KLRG2: variants seen among roughly 807,000 people sequenced by gnomAD.
KLRG2 encodes the protein killer cell lectin like receptor G2.
KLRG2 carries 39 observed loss-of-function variants against 35.4 expected under a neutral mutation model. The ratio of observed to expected loss-of-function variants is 1.10; its 90% CI spans 0.85 to 1.44. The LOEUF is 1.44. Among genes scored for constraint, KLRG2 ranks in the 40% most tolerant of loss-of-function variants. The pLI, the probability that KLRG2 is intolerant of heterozygous loss-of-function variation, is 0.00. For synonymous variants in KLRG2, 283 were observed against 265.8 expected (o/e 1.06, Z -0.63); for missense variants, 632 against 570.9 (o/e 1.11, Z -1.09).
In KLRG2 at chr7:139,471,557, A is replaced by T. The variant is rs575892998; in HGVS notation, c.1005+8070T>A. ...GTGCCTGTAACCCCAGCTACTCGGA[A>T]GGCTGAGATGGGAGGATCACTTGAA... On this transcript the variant is annotated intron_variant, in intron 3 of 4. Transcript: ENST00000340940. Among the ~76,000 whole-genome samples the T allele has an allele frequency of 3.3e-5, 5 of 152,280 alleles. No homozygotes were observed. In the East Asian group the frequency reaches 9.7e-4, roughly 29 times the overall value.
At chr7:139,448,550 C>A (rs2116411997), downstream of KLRG2, among the ~76,000 whole-genome samples, 1 of 152,268 alleles carries the variant, frequency 6.6e-6, no homozygotes, top group Non-Finnish European at 1.5e-5. Flanking sequence ...GATAAATAGG[C>A]TGGGCGCAGT....
At chr7:139,440,883 G>A in the KLRG2 span, among the ~76,000 whole-genome samples, 1 of 152,160 alleles carries the variant, frequency 6.6e-6, no homozygotes, top group East Asian at 1.9e-4. Context: ...TTATTTATAT[G>A]ACCCTCATCT....
chr7:139,482,788 G>T, intron 1 of KLRG2, 98 bp downstream of exon 1: 1 of 1,164,534 alleles, frequency 8.6e-7, no homozygotes, highest in Non-Finnish European at 1.1e-6. Flanking sequence ...CCCTTAGTCG[G>T]TCAGCTGCCC....
chr7:139,454,798 CAA>C (rs1463324243), intron 3 of KLRG2, among the ~76,000 whole-genome samples: 1 of 149,562 alleles, frequency 6.7e-6, no homozygotes, highest in African/African-American at 2.4e-5. Flanking sequence ...CCTGGGCTGA[CAA>C]GAGGGAAATT....
chr7:139,436,871 C>T, the KLRG2 span, among the ~76,000 whole-genome samples: 2 of 152,222 alleles, frequency 1.3e-5, no homozygotes, highest in Admixed American at 1.3e-4. Flanking sequence ...TTGGCTACGA[C>T]ACTGCCAGGT....
chr7:139,460,144 C>T (rs1403448665), intron 3 of KLRG2, among the ~76,000 whole-genome samples: 1 of 152,176 alleles, frequency 6.6e-6, no homozygotes, highest in African/African-American at 2.4e-5. Flanking sequence ...CCTTGGCCCC[C>T]CAAAGTGTTG....
At chr7:139,457,000 G>A (rs1412623691) in intron 3 of KLRG2, among the ~76,000 whole-genome samples, 1 of 152,132 alleles carries the variant, frequency 6.6e-6, no homozygotes, top group African/African-American at 2.4e-5. Flanking sequence ...GAAGTGTCAC[G>A]GAAAACCCAT....
chr7:139,437,981 G>A, the KLRG2 span, among the ~76,000 whole-genome samples: 139 of 152,298 alleles, frequency 9.1e-4, 1 homozygote, highest in African/African-American at 3.1e-3. Flanking sequence ...TGGCCTGTTG[G>A]GGAAAGAATG....
chr7:139,478,077 GA>G lies in KLRG2; in HGVS notation c.1005+1549del, dbSNP rs148011262. ...CCGGCCCACAATTTTTTTAAATGGG[GA>G]AAAAAAAAAGCCAGGCACAGTGGCT... On this transcript the variant is annotated intron_variant, in intron 3 of 4. Transcript: ENST00000340940. Among the ~76,000 whole-genome samples, 142 of 143,218 alleles carry G rather than the reference GA, an allele frequency of 9.9e-4. 2 individuals carry two copies. In the South Asian group the frequency reaches 0.025, roughly 26 times the overall value. 94.0% of individuals were successfully genotyped at this position (143,218 alleles called of 152,430 possible). A position where few individuals can be genotyped will look rare whatever the true frequency, so the allele number is the denominator to read the frequency against.
intron 2 of KLRG2, 109 bp from the exon 3 acceptor site, chr7:139,479,881 G>A (rs1348009983): frequency 2.3e-6 from 3 of 1,291,136 alleles, no homozygotes; most frequent in African/African-American, 3.0e-5. Context: ...CCTCAAGGTG[G>A]GCAGGGCCCC....
At chr7:139,455,462 C>T (rs921472269) in intron 3 of KLRG2, among the ~76,000 whole-genome samples, 6 of 151,924 alleles carry the variant, frequency 3.9e-5, no homozygotes, top group Admixed American at 6.6e-5. Context: ...GCTGGGACTA[C>T]AGGCACCCGC....
At chr7:139,468,802 G>A (rs1462264794) in intron 3 of KLRG2, among the ~76,000 whole-genome samples, 2 of 152,172 alleles carry the variant, frequency 1.3e-5, no homozygotes, top group Non-Finnish European at 2.9e-5. Flanking sequence ...CTAACCCCCA[G>A]TACCTCAAAA....
the KLRG2 span, among the ~76,000 whole-genome samples, chr7:139,437,294 G>A: frequency 2.0e-5 from 3 of 151,830 alleles, no homozygotes; most frequent in South Asian, 2.1e-4. Flanking sequence ...GCATGATGGC[G>A]GGTGCCTGTA....
chr7:139,459,456 T>C (rs1230857831), intron 3 of KLRG2, among the ~76,000 whole-genome samples: 1 of 152,190 alleles, frequency 6.6e-6, no homozygotes, highest in Non-Finnish European at 1.5e-5. Flanking sequence ...CCACCTTTGG[T>C]CCCACCTACA....
chr7:139,462,004 T>C (rs1392800104), intron 3 of KLRG2, among the ~76,000 whole-genome samples: 1 of 152,202 alleles, frequency 6.6e-6, no homozygotes, highest in Non-Finnish European at 1.5e-5. Context: ...GCGGCCTCTT[T>C]TTACGCTTTT....
chr7:139,434,808 C>G, the KLRG2 span, among the ~76,000 whole-genome samples: 3 of 152,214 alleles, frequency 2.0e-5, no homozygotes, highest in South Asian at 6.2e-4. Flanking sequence ...AAACAGACTT[C>G]GGTTTGAGCC....
chr7:139,428,636 T>TA, the KLRG2 span, among the ~76,000 whole-genome samples: 5 of 132,226 alleles, frequency 3.8e-5, no homozygotes, highest in African/African-American at 2.0e-4. Context: ...ATCTACTAGG[T>TA]AATGAAACAC....
chr7:139,459,508 C>T (rs1324334264), intron 3 of KLRG2, among the ~76,000 whole-genome samples: 2 of 152,118 alleles, frequency 1.3e-5, no homozygotes, highest in Non-Finnish European at 2.9e-5. Context: ...CAGTCTGAGT[C>T]GTTTGGTACA....
intron 3 of KLRG2, among the ~76,000 whole-genome samples, chr7:139,479,376 T>A (rs1796912816): frequency 6.6e-6 from 1 of 152,130 alleles, no homozygotes. Flanking sequence ...CCACTGTGCC[T>A]GGCCAAAAAA....
Sources: gnomAD v4.1 joint callset for allele counts (sites outside exome capture counted in the v4.1 genomes callset) on GRCh38, gnomAD v4.1.1 for gene constraint, MANE v1.5 for transcripts, NCBI Gene and HGNC (gene_info 2026-07-23, HGNC 2026-07-21) for gene names.